The following GNB4 variants were observed in gnomAD, a reference collection of about 807,000 sequenced individuals.
GNB4 encodes the protein G protein subunit beta 4.
Under a neutral mutation model 45.2 loss-of-function variants are expected in GNB4, and 28 were observed. That is an observed-to-expected ratio of 0.62 (90% CI 0.46 to 0.85). The LOEUF is 0.85. Ranked by LOEUF, GNB4 falls within the 40% of genes least tolerant of loss-of-function variation. The pLI, the probability that GNB4 is intolerant of heterozygous loss-of-function variation, is 0.00. For missense variants in GNB4, 321 were observed against 425.4 expected (o/e 0.75, Z 2.16); for synonymous variants, 132 against 143.7 (o/e 0.92, Z 0.58).
At chr3:179,424,886 G>A (rs1715098967) in intron 2 of GNB4, among the ~76,000 whole-genome samples, 1 of 152,182 alleles carries the variant, frequency 6.6e-6, no homozygotes, top group Non-Finnish European at 1.5e-5. Flanking sequence ...GGGATTACAG[G>A]CGTGAGCCAC....
At chr3:179,441,876 C>T (rs201219954) in intron 1 of GNB4, among the ~76,000 whole-genome samples, 4 of 152,144 alleles carry the variant, frequency 2.6e-5, no homozygotes, top group African/African-American at 9.6e-5. Flanking sequence ...CACACGATCT[C>T]GGCTCACTGC....
chr3:179,505,944 G>A, the GNB4 span, among the ~76,000 whole-genome samples: 2 of 152,208 alleles, frequency 1.3e-5, no homozygotes, highest in Admixed American at 6.5e-5. Flanking sequence ...CTGAGATTTC[G>A]AGGGTGTTTG....
the GNB4 span, among the ~76,000 whole-genome samples, chr3:179,516,435 A>C: frequency 6.6e-6 from 1 of 152,192 alleles, no homozygotes; most frequent in Non-Finnish European, 1.5e-5. Flanking sequence ...GAGGTATTTT[A>C]GTTTTCTGAC....
chr3:179,435,255 T>A (rs911283009), intron 1 of GNB4, among the ~76,000 whole-genome samples: 1 of 152,152 alleles, frequency 6.6e-6, no homozygotes, highest in Admixed American at 6.5e-5. Flanking sequence ...TGAAACTTCA[T>A]TCCTAAGGCT....
At chr3:179,524,482 G>T in the GNB4 span, among the ~76,000 whole-genome samples, 6 of 152,190 alleles carry the variant, frequency 3.9e-5, no homozygotes, top group African/African-American at 1.4e-4. Context: ...GATGTGGCTG[G>T]GTTTTGTCTC....
chr3:179,414,817 T>C (rs1714749955), intron 6 of GNB4, 68 bp downstream of exon 6: 5 of 1,302,972 alleles, frequency 3.8e-6, no homozygotes, highest in Non-Finnish European at 4.2e-6. Context: ...CAATCTGTCA[T>C]TTGTCCTTGA....
chr3:179,424,677 T>C (rs2108601360), intron 2 of GNB4, among the ~76,000 whole-genome samples: 2 of 152,314 alleles, frequency 1.3e-5, no homozygotes, highest in South Asian at 4.1e-4. Flanking sequence ...TGATCATGGT[T>C]CACTGCAGCC....
intron 1 of GNB4, among the ~76,000 whole-genome samples, chr3:179,440,814 G>C (rs1200907244): frequency 1.3e-5 from 2 of 151,762 alleles, no homozygotes; most frequent in African/African-American, 2.4e-5. Flanking sequence ...CATGTGTTAA[G>C]TATAGTGTTG....
upstream of GNB4, among the ~76,000 whole-genome samples, chr3:179,454,886 C>T (rs189825910): frequency 2.8e-3 from 428 of 152,314 alleles, 1 homozygote; most frequent in Non-Finnish European, 5.3e-3. Context: ...ACAGGATCTA[C>T]AGCACAGTTT....
chr3:179,480,612 A>G, the GNB4 span, among the ~76,000 whole-genome samples: 1 of 151,788 alleles, frequency 6.6e-6, no homozygotes, highest in Non-Finnish European at 1.5e-5. Flanking sequence ...CCATCTACCA[A>G]CTACTTGATA....
intron 1 of GNB4, among the ~76,000 whole-genome samples, chr3:179,444,121 T>G (rs1715660691): frequency 6.6e-6 from 1 of 152,214 alleles, no homozygotes. Flanking sequence ...AAGATTTTTT[T>G]GCATTAAAAG....
chr3:179,523,766 A>G, the GNB4 span, among the ~76,000 whole-genome samples: 3 of 151,982 alleles, frequency 2.0e-5, no homozygotes, highest in South Asian at 6.2e-4. Context: ...GGGGTCCCAT[A>G]CTTGTGGGTT....
At chr3:179,513,601 A>T in the GNB4 span, among the ~76,000 whole-genome samples, 1 of 152,254 alleles carries the variant, frequency 6.6e-6, no homozygotes, top group African/African-American at 2.4e-5. Context: ...CTGCATATGT[A>T]AATACTTCCA....
intron 2 of GNB4, among the ~76,000 whole-genome samples, chr3:179,424,160 T>C (rs1013208993): frequency 3.9e-5 from 6 of 152,234 alleles, no homozygotes; most frequent in African/African-American, 1.4e-4. Context: ...TTAATCTCAC[T>C]GAGCCTCAGC....
chr3:179,519,424 C>T, the GNB4 span, among the ~76,000 whole-genome samples: 1 of 152,152 alleles, frequency 6.6e-6, no homozygotes, highest in Non-Finnish European at 1.5e-5. Context: ...AGTCCATCCC[C>T]TTTTTAATCA....
the GNB4 span, among the ~76,000 whole-genome samples, chr3:179,519,681 C>T: frequency 6.6e-6 from 1 of 152,126 alleles, no homozygotes; most frequent in African/African-American, 2.4e-5. Context: ...AGCCACACCT[C>T]GTTGCTGCCT....
At chr3:179,403,435 G>A (rs574163729) in intron 9 of GNB4, among the ~76,000 whole-genome samples, 173 of 152,066 alleles carry the variant, frequency 1.1e-3, no homozygotes, top group African/African-American at 4.1e-3. Context: ...ACAGAAGGGT[G>A]GAAACCTGAG....
chr3:179,410,382 T>C (rs1342681850), intron 8 of GNB4: 1 of 152,204 alleles, frequency 6.6e-6, no homozygotes, highest in Non-Finnish European at 1.5e-5. Flanking sequence ...ATATGTTCAT[T>C]GCTAAGGCTG....
At position 179,397,498 on chromosome 3, in the gene GNB4, A is replaced by C. The variant is rs1482601822; in HGVS notation, c.*3715T>G. ...GGAGACTAGTTTACTACTATCATGC[A>C]ATCGCTGAGGTCATATGAGTCTAAA... On this transcript the variant is annotated 3_prime_UTR_variant, in exon 10 of 10. Coordinates refer to ENST00000232564, the MANE Select transcript of GNB4 (RefSeq NM_021629.4). The C allele has an allele frequency of 6.6e-6, 1 of 152,414 alleles. No individual in the cohort carries two copies. The highest frequency in any genetic ancestry group is 1.5e-5 in the Non-Finnish European group (1 of 68,044). The allele number at this position is 152,414 out of a possible 1,614,324, so 9.4% of individuals were successfully genotyped here.
Sources: allele counts gnomAD v4.1 joint callset (sites outside exome capture counted in the v4.1 genomes callset), GRCh38; gene constraint gnomAD v4.1.1; transcripts MANE v1.5; gene names NCBI Gene and HGNC (gene_info 2026-07-23, HGNC 2026-07-21).